The following SLC39A5 variants were observed in gnomAD, a reference collection of about 807,000 sequenced individuals.
SLC39A5 encodes the protein zinc transporter ZIP5.
Under a neutral mutation model 46.9 loss-of-function variants are expected in SLC39A5, and 42 were observed. The observed-to-expected ratio is 0.90, with a 90% CI of 0.70 to 1.16. The LOEUF is 1.16. Among genes scored for constraint, SLC39A5 ranks in the 50% most tolerant of loss-of-function variants. The probability of loss-of-function intolerance (pLI) is 0.00; values close to 1 mark genes in which losing one functional copy is unlikely to be tolerated. For missense variants in SLC39A5, 677 were observed against 686.8 expected (o/e 0.99, Z 0.16); for synonymous variants, 311 against 323.1 (o/e 0.96, Z 0.40).
chr12:56,231,785 A>G (rs954256206), intron 4 of SLC39A5, among the ~76,000 whole-genome samples: 4 of 152,104 alleles, frequency 2.6e-5, no homozygotes, highest in Admixed American at 2.6e-4. Context: ...AAGTGCAGTG[A>G]CACATTCACG....
intron 5 of SLC39A5, among the ~76,000 whole-genome samples, chr12:56,233,106 T>A (rs1379356290): frequency 6.6e-6 from 1 of 151,302 alleles, no homozygotes; most frequent in Non-Finnish European, 1.5e-5. Flanking sequence ...TACTAAAAAA[T>A]ACAAAAATTA....
Position 56,231,557 on chromosome 12 carries a change from C to G in SLC39A5, c.283C>G (p.His95Asp). 1 of 1,553,490 alleles carries G rather than the reference C, an allele frequency of 6.4e-7. No individual in the cohort carries two copies. Among genetic ancestry groups the G allele is most frequent in the South Asian group, 1.2e-5 (1 of 80,880 alleles). Reference protein sequence around the residue: ...AASPAADNSTHRPQNPELSVD... With the variant: ...AASPAADNSTDRPQNPELSVD... ...ATCCCCAGCTGCAGACAATTCCACA[C>G]ACAGGTACTGACCCCTTCCTCCACT... The change falls in exon 4 of 13, where the codon CAC (histidine) becomes GAC (aspartate). Residue 95 changes from histidine (H) to aspartate (D), a missense_variant. By Grantham distance (81) the His-to-Asp change is moderately conservative (BLOSUM62 -1). Coordinates refer to ENST00000454355, the MANE Select transcript of SLC39A5 (RefSeq NM_173596.3).
intron 5 of SLC39A5, 82 bp from the exon 6 acceptor site, chr12:56,234,742 G>T: frequency 6.7e-7 from 1 of 1,484,628 alleles, no homozygotes; most frequent in Non-Finnish European, 9.3e-7. Context: ...TTATAGGTGT[G>T]AGCCACTACA....
At position 56,235,298 on chromosome 12, in the gene SLC39A5, G is replaced by A; in HGVS notation, c.776G>A (p.Gly259Glu). Residue 259 changes from glycine to glutamate, a missense_variant, in exon 7 of 13, where the codon GGG (glycine) becomes GAG (glutamate). By Grantham distance (98) the Gly-to-Glu change is moderately conservative (BLOSUM62 -2). Transcript: ENST00000454355. ...LGALAVGTLCGDALLHLLPHA... is the reference protein window; with the variant it reads ...LGALAVGTLCEDALLHLLPHA... ...GCCCTGGCGGTGGGCACTCTTTGTG[G>A]GGATGCACTGCTACATCTGCTACCG... 1 of 1,538,058 alleles carries A rather than the reference G, an allele frequency of 6.5e-7. No individual in the cohort carries two copies.
rs757799654 is a variant in SLC39A5 at position 56,237,232 on chromosome 12, G to A, written c.1371G>A (p.Leu457=). Residue 457 remains leucine (L), a synonymous_variant, in exon 12 of 13, where the codon TTG becomes TTA. Coordinates refer to ENST00000454355, the MANE Select transcript of SLC39A5 (RefSeq NM_173596.3). The stretch of plus-strand genomic sequence containing the variant: ...GCCTCGTGTCTGGAGCCCTGGGATT[G>A]GGGGGTGCAGTCCTGGGGGTGGGGC... ...LLSLVSGALG[L]GGAVLGVGLS... 1 of 1,613,656 alleles carries A rather than the reference G, an allele frequency of 6.2e-7. No homozygotes were observed. Among genetic ancestry groups the A allele is most frequent in the Non-Finnish European group, 8.5e-7 (1 of 1,179,950 alleles).
intron 5 of SLC39A5, among the ~76,000 whole-genome samples, chr12:56,234,209 G>A (rs1226580763): frequency 2.6e-5 from 4 of 151,818 alleles, no homozygotes; most frequent in Admixed American, 1.3e-4. Context: ...GTGCAATGGC[G>A]TGATCTTGGC....
At chr12:56,230,466 G>A (rs1190190032) in intron 2 of SLC39A5, 171 bp downstream of exon 2, 1 of 152,208 alleles carries the variant, frequency 6.6e-6, no homozygotes, top group Non-Finnish European at 1.5e-5. Context: ...AGGTAGGTGG[G>A]GTGGAAGTAC....
chr12:56,232,833 G>A lies in SLC39A5; in HGVS notation c.432G>A (p.Leu144=). 6.2e-7 allele frequency: 1 copy of A among 1,613,146 alleles called. No homozygotes were observed. The highest frequency in any genetic ancestry group is 8.5e-7 in the Non-Finnish European group (1 of 1,179,620). ...PSGLDLLHRL[L]LLDHSLADHL... ...GCCTGGACCTCCTTCACAGGCTTCT[G>A]TTGCTGGACCACTCATTGGCTGACC... The change falls in exon 5 of 13, where the codon CTG becomes CTA. Residue 144 remains leucine, a synonymous_variant. Coordinates refer to ENST00000454355, the MANE Select transcript of SLC39A5 (RefSeq NM_173596.3).
rs753258798 is a variant in SLC39A5, at chr12:56,232,873, G to A, written c.471+1G>A. On this transcript the variant is annotated splice_donor_variant, in intron 5 of 12. Transcript: ENST00000454355. LOFTEE classifies it high-confidence loss of function. ...ATTGGCTGACCACCTGAATGAGGAT[G>A]TGAGTCTGACGGTCTCTAGAGGGGA... 4 of 1,609,520 alleles carry A rather than the reference G, an allele frequency of 2.5e-6. No homozygotes were observed. The African/African-American group carries it at 5.4e-5, about 22-fold the overall frequency.
intron 4 of SLC39A5, 117 bp from the exon 5 acceptor site, chr12:56,232,572 C>T (rs1469339678): frequency 1.1e-5 from 10 of 870,208 alleles, no homozygotes; most frequent in Non-Finnish European, 1.5e-5. Flanking sequence ...GTTTCTGGGT[C>T]CCAGGATCTC....
At chr12:56,236,263 A>G in intron 8 of SLC39A5, 133 bp from the exon 9 acceptor site, 1 of 755,628 alleles carries the variant, frequency 1.3e-6, no homozygotes, top group East Asian at 2.5e-5. Context: ...CTTGGGAAGA[A>G]GGTAGAGGCC....
chr12:56,233,743 T>G (rs1320748079), intron 5 of SLC39A5, among the ~76,000 whole-genome samples: 1 of 152,200 alleles, frequency 6.6e-6, no homozygotes, highest in Non-Finnish European at 1.5e-5. Context: ...CAGACAAAGC[T>G]GCCTAACCCT....
chr12:56,236,840 G>T (rs1186054909), intron 10 of SLC39A5, 91 bp from the exon 11 acceptor site: 3 of 1,586,016 alleles, frequency 1.9e-6, no homozygotes, highest in East Asian at 2.2e-5. Flanking sequence ...CAGGAAGATG[G>T]GGAGAGGACG....
intron 5 of SLC39A5, among the ~76,000 whole-genome samples, chr12:56,234,206 G>C (rs1870502181): frequency 6.6e-6 from 1 of 151,808 alleles, no homozygotes; most frequent in Non-Finnish European, 1.5e-5. Context: ...GGAGTGCAAT[G>C]GCGTGATCTT....
intron 5 of SLC39A5, 99 bp from the exon 6 acceptor site, chr12:56,234,725 G>A (rs764373386): frequency 2.9e-6 from 4 of 1,359,878 alleles, no homozygotes; most frequent in Non-Finnish European, 4.1e-6. Context: ...CCTCTCAAGG[G>A]CTGGGATTAT....
intron 4 of SLC39A5, among the ~76,000 whole-genome samples, chr12:56,232,083 C>T (rs576204531): frequency 6.6e-6 from 1 of 151,508 alleles, no homozygotes; most frequent in South Asian, 2.1e-4. Flanking sequence ...CCTTAAATTT[C>T]TTGCTCTTAG....
At chr12:56,236,544 T>G in intron 9 of SLC39A5, 38 bp from the exon 10 acceptor site, 1 of 1,614,136 alleles carries the variant, frequency 6.2e-7, no homozygotes, top group Non-Finnish European at 8.5e-7. Context: ...CAGTCCTTAC[T>G]TGCAGCCACC....
In SLC39A5 at chr12:56,237,130, C is replaced by T. The variant is rs1202853960; in HGVS notation, c.1289-20C>T. 6.2e-7 allele frequency: 1 copy of T among 1,613,568 alleles called. No individual in the cohort carries two copies. Among genetic ancestry groups the T allele is most frequent in the Non-Finnish European group, 8.5e-7 (1 of 1,179,984 alleles). ...GCACCCCAGCTTACTCCCTCCCATC[C>T]TGTCCTCTGTCTCCAATAGGTGACT... On this transcript the variant is annotated intron_variant, in intron 11 of 12. Transcript: ENST00000454355.
At chr12:56,233,262 CTCAAAAAAAAAA>C (rs1870407292) in intron 5 of SLC39A5, among the ~76,000 whole-genome samples, 1 of 63,786 alleles carries the variant, frequency 1.6e-5, no homozygotes, top group African/African-American at 7.0e-5. Context: ...GAGACTCTGT[CTCAAAAAAAAAA>C]AAAAAAAAAA....
Sources: allele counts gnomAD v4.1 joint callset (sites outside exome capture counted in the v4.1 genomes callset), GRCh38; gene constraint gnomAD v4.1.1; transcripts MANE v1.5; gene names NCBI Gene and HGNC (gene_info 2026-07-23, HGNC 2026-07-21).